Variants in MKLN1 observed in about 807,000 individuals in gnomAD.
The protein encoded by MKLN1 is muskelin.
Under a neutral mutation model 99.0 loss-of-function variants are expected in MKLN1, and 18 were observed. That is an observed-to-expected ratio of 0.18 (90% CI 0.13 to 0.27). The LOEUF is 0.27. Among genes scored for constraint, MKLN1 ranks in the 10% least tolerant of loss-of-function variants. MKLN1 has a pLI of 1.00. For missense variants in MKLN1, 621 were observed against 875.9 expected (o/e 0.71, Z 3.67); for synonymous variants, 288 against 293.2 (o/e 0.98, Z 0.18).
chr7:131,310,470 G>C (rs1798545284), intron 3 of MKLN1: 1 of 152,154 alleles, frequency 6.6e-6, no homozygotes, highest in Admixed American at 6.5e-5. Context: ...GCCATCACTT[G>C]TGGAATCACC....
chr7:131,264,903 A>G (rs1166588069), intron 3 of MKLN1, among the ~76,000 whole-genome samples: 1 of 152,080 alleles, frequency 6.6e-6, no homozygotes, highest in African/African-American at 2.4e-5. Context: ...CAGTGGTGCA[A>G]TCTCGGCTCA....
chr7:131,349,258 C>T (rs923687441), intron 1 of MKLN1, among the ~76,000 whole-genome samples: 23 of 151,448 alleles, frequency 1.5e-4, no homozygotes, highest in African/African-American at 4.6e-4. Flanking sequence ...TACAGTGGCA[C>T]GATCTCGGCT....
rs1797533928 is a variant in MKLN1, at chr7:131,495,468, C to CA, written c.*7741dup. On this transcript the variant is annotated 3_prime_UTR_variant, in exon 18 of 18. Coordinates refer to ENST00000352689, the MANE Select transcript of MKLN1 (RefSeq NM_013255.5). ...TTAGTGATTGTCAAAATAGGTTTAT[C>CA]ATTTAAAAAACTAGGAAATTACTAA... 6.6e-6 allele frequency: 1 copy of CA among 152,062 alleles called. No homozygotes were observed. Among genetic ancestry groups the CA allele is most frequent in the Non-Finnish European group, 1.5e-5 (1 of 68,010 alleles). 9.4% of individuals were successfully genotyped at this position (152,062 alleles called of 1,614,324 possible).
chr7:131,174,114 A>G (rs1796258668), intron 2 of MKLN1, among the ~76,000 whole-genome samples: 1 of 151,948 alleles, frequency 6.6e-6, no homozygotes, highest in Non-Finnish European at 1.5e-5. Flanking sequence ...CTGGGACTAC[A>G]GGTGCCCGCC....
rs553950936 is a variant in MKLN1 at position 131,433,947 on chromosome 7, G to A, written c.961-3838G>A. ...TGCCTAGGCCAGAGTGCAATGATGC[G>A]ATCTCGGCTCACTGCAACCCCCTTC... On this transcript the variant is annotated intron_variant, in intron 9 of 17. Transcript: ENST00000352689. 8.1e-4 allele frequency among the ~76,000 whole-genome samples: 121 copies of A among 149,408 alleles called. 2 individuals carry two copies. The South Asian group carries it at 0.014, about 18-fold the overall frequency.
intron 2 of MKLN1, among the ~76,000 whole-genome samples, chr7:131,383,391 A>T (rs1350259013): frequency 6.6e-6 from 1 of 152,158 alleles, no homozygotes; most frequent in Non-Finnish European, 1.5e-5. Context: ...TGAGGTTGAA[A>T]GCCCAATCCC....
intron 10 of MKLN1, among the ~76,000 whole-genome samples, chr7:131,439,269 T>G (rs1795759385): frequency 1.3e-5 from 2 of 152,184 alleles, no homozygotes; most frequent in African/African-American, 4.8e-5. Context: ...CGTATTTCTT[T>G]TACAAAAGAT....
chr7:131,296,601 A>AT (rs1173253207), intron 3 of MKLN1, among the ~76,000 whole-genome samples: 1 of 146,420 alleles, frequency 6.8e-6, no homozygotes, highest in South Asian at 2.2e-4. Flanking sequence ...CCAAACTCAG[A>AT]TAAAAAAATA....
At chr7:131,430,507 G>A (rs1031567541) in intron 9 of MKLN1, among the ~76,000 whole-genome samples, 2 of 151,646 alleles carry the variant, frequency 1.3e-5, no homozygotes, top group Admixed American at 6.6e-5. Flanking sequence ...TAAATCTAAG[G>A]CGATGACATC....
chr7:131,392,086 TA>T (rs2116896008), intron 4 of MKLN1, among the ~76,000 whole-genome samples: 1 of 152,278 alleles, frequency 6.6e-6, no homozygotes, highest in African/African-American at 2.4e-5. Flanking sequence ...CAGAGGAAAG[TA>T]AACATAAAAT....
At chr7:131,174,193 C>G (rs541822878) in intron 2 of MKLN1, among the ~76,000 whole-genome samples, 2 of 152,074 alleles carry the variant, frequency 1.3e-5, no homozygotes, top group Non-Finnish European at 2.9e-5. Flanking sequence ...AAGATGGTCT[C>G]GATCTCCTGA....
At chr7:131,205,452 G>A (rs180910767) in intron 3 of MKLN1, among the ~76,000 whole-genome samples, 2 of 152,306 alleles carry the variant, frequency 1.3e-5, no homozygotes, top group South Asian at 2.1e-4. Flanking sequence ...CTGAAGGGGT[G>A]TATTAGTTTT....
chr7:131,261,305 A>C (rs1797728343), intron 3 of MKLN1, among the ~76,000 whole-genome samples: 1 of 152,236 alleles, frequency 6.6e-6, no homozygotes, highest in Non-Finnish European at 1.5e-5. Context: ...CAAGCAAAAA[A>C]CAACCAGCCC....
At chr7:131,174,996 TAGATAGATA>T (rs1584809157) in intron 2 of MKLN1, among the ~76,000 whole-genome samples, 1 of 149,000 alleles carries the variant, frequency 6.7e-6, no homozygotes, top group East Asian at 2.0e-4. Context: ...GATAGATAGA[TAGATAGATA>T]GATAGGGTGG....
upstream of MKLN1, among the ~76,000 whole-genome samples, chr7:131,325,331 T>C (rs1198507026): frequency 6.6e-6 from 1 of 152,070 alleles, no homozygotes; most frequent in Non-Finnish European, 1.5e-5. Context: ...TTACCTATCC[T>C]GTGTTAGCTT....
intron 1 of MKLN1, among the ~76,000 whole-genome samples, chr7:131,126,877 G>C (rs560009224): frequency 6.6e-6 from 1 of 152,150 alleles, no homozygotes; most frequent in Non-Finnish European, 1.5e-5. Flanking sequence ...TAGAATAGAA[G>C]AAATATGGCC....
intron 3 of MKLN1, among the ~76,000 whole-genome samples, chr7:131,264,043 A>G (rs530830148): frequency 9.2e-5 from 14 of 152,332 alleles, no homozygotes; most frequent in Middle Eastern, 3.4e-3. Flanking sequence ...TTTATCTCCC[A>G]GAGTGTTCCA....
At chr7:131,419,747 GAGAA>G (rs1795135461) in intron 8 of MKLN1, among the ~76,000 whole-genome samples, 1 of 152,102 alleles carries the variant, frequency 6.6e-6, no homozygotes, top group African/African-American at 2.4e-5. Context: ...AGAGGTATGT[GAGAA>G]AGAGAGTGGG....
intron 1 of MKLN1, among the ~76,000 whole-genome samples, chr7:131,346,414 C>T (rs774057798): frequency 1.1e-4 from 16 of 151,494 alleles, no homozygotes; most frequent in Non-Finnish European, 2.1e-4. Context: ...CCCAGCTAGT[C>T]GGGAGGCTGA....
Sources: gnomAD v4.1 joint callset for allele counts (sites outside exome capture counted in the v4.1 genomes callset) on GRCh38, gnomAD v4.1.1 for gene constraint, MANE v1.5 for transcripts, NCBI Gene and HGNC (gene_info 2026-07-23, HGNC 2026-07-21) for gene names.